MACROD2: variants seen among roughly 807,000 people sequenced by gnomAD.
MACROD2 encodes the protein ADP-ribose glycohydrolase MACROD2.
A neutral mutation model predicts 70.4 loss-of-function variants in MACROD2; 36 were observed. That is an observed-to-expected ratio of 0.51 (90% CI 0.39 to 0.68). MACROD2 has a LOEUF of 0.68. Ranked by LOEUF, MACROD2 falls within the 30% of genes least tolerant of loss-of-function variation. The pLI is 0.00. For missense variants in MACROD2, 496 were observed against 538.4 expected (o/e 0.92, Z 0.78); for synonymous variants, 172 against 178.8 (o/e 0.96, Z 0.30).
intron 3 of MACROD2, among the ~76,000 whole-genome samples, chr20:14,088,389 A>G (rs962184007): frequency 2.6e-5 from 4 of 152,012 alleles, no homozygotes; most frequent in African/African-American, 9.6e-5. Context: ...CATATACATC[A>G]ATATATATAG....
intron 2 of MACROD2, among the ~76,000 whole-genome samples, chr20:14,057,510 A>G (rs1399756134): frequency 6.6e-6 from 1 of 152,192 alleles, no homozygotes; most frequent in Non-Finnish European, 1.5e-5. Context: ...CAGAATGGCT[A>G]AAATTAGAAA....
At chr20:14,919,566 G>A (rs1335847954) in intron 5 of MACROD2, among the ~76,000 whole-genome samples, 1 of 152,150 alleles carries the variant, frequency 6.6e-6, no homozygotes, top group East Asian at 1.9e-4. Context: ...TGTTCTCTTT[G>A]TTCCTTGTAC....
At chr20:15,181,762 T>C (rs2145903185) in intron 5 of MACROD2, among the ~76,000 whole-genome samples, 1 of 152,308 alleles carries the variant, frequency 6.6e-6, no homozygotes, top group Non-Finnish European at 1.5e-5. Flanking sequence ...CCTGTTGCCT[T>C]ATATTTTTAC....
chr20:14,175,150 T>C (rs919857196), intron 3 of MACROD2, among the ~76,000 whole-genome samples: 1 of 152,220 alleles, frequency 6.6e-6, no homozygotes, highest in African/African-American at 2.4e-5. Context: ...AATGTGAATC[T>C]CCACATGCTG....
intron 3 of MACROD2, among the ~76,000 whole-genome samples, chr20:14,425,309 C>A (rs868353784): frequency 2.0e-5 from 3 of 152,122 alleles, no homozygotes; most frequent in African/African-American, 7.2e-5. Context: ...CTCCTCTCTC[C>A]GCATTACCCC....
intron 5 of MACROD2, among the ~76,000 whole-genome samples, chr20:15,162,914 C>T (rs532596328): frequency 6.6e-6 from 1 of 152,146 alleles, no homozygotes; most frequent in Admixed American, 6.6e-5. Context: ...TGTAAATAAA[C>T]ATGACTGTAT....
intron 5 of MACROD2, among the ~76,000 whole-genome samples, chr20:15,003,976 G>A (rs113076687): frequency 0.079 from 12,038 of 152,060 alleles, 958 homozygotes; most frequent in African/African-American, 0.2. Flanking sequence ...CCCAGAAGGT[G>A]TTCAGCATGT....
rs560477366 is a variant in MACROD2, at chr20:14,216,873, T to G, written c.271+131145T>G. ...ACATTAATCTCGTATCTGGAAAATT[T>G]GCTGAATTCTTTTATCAGTTCTAAG... On this transcript the variant is annotated intron_variant, in intron 3 of 17. Transcript: ENST00000684519. Among the ~76,000 whole-genome samples the G allele has an allele frequency of 1.9e-3, 295 of 152,312 alleles. 2 individuals are homozygous for G. In the South Asian group the frequency reaches 0.021, roughly 11 times the overall value.
chr20:14,054,486 G>A lies in MACROD2; in HGVS notation c.164-31135G>A, dbSNP rs779309679. ...TTGGCTGGAGAATGAGATTTGGCAA[G>A]TGCTCCATGTAATGAAGATTTGTTT... is the stretch of plus-strand genomic sequence containing the variant. On this transcript the variant is annotated intron_variant, in intron 2 of 17. Coordinates refer to ENST00000684519, the MANE Select transcript of MACROD2 (RefSeq NM_001351661.2). Among the ~76,000 whole-genome samples the A allele has an allele frequency of 5.9e-5, 9 of 152,140 alleles. No individual in the cohort carries two copies. In the East Asian group the frequency reaches 1.7e-3, roughly 29 times the overall value.
At chr20:15,753,158 G>A (rs1472775285) in intron 8 of MACROD2, among the ~76,000 whole-genome samples, 1 of 151,938 alleles carries the variant, frequency 6.6e-6, no homozygotes, top group East Asian at 1.9e-4. Flanking sequence ...GATTCAGGAG[G>A]TACACGTGCA....
intron 5 of MACROD2, among the ~76,000 whole-genome samples, chr20:14,942,124 C>CT (rs911248658): frequency 7.9e-5 from 12 of 151,998 alleles, no homozygotes; most frequent in Admixed American, 7.2e-4. Flanking sequence ...TGTAGACACT[C>CT]TAACAATGTG....
intron 6 of MACROD2, among the ~76,000 whole-genome samples, chr20:15,416,003 G>A (rs2046142980): frequency 6.6e-6 from 1 of 152,206 alleles, no homozygotes; most frequent in African/African-American, 2.4e-5. Flanking sequence ...TTAGTGAATG[G>A]CCAGCTGCTT....
chr20:14,508,717 C>G (rs2084996706), intron 4 of MACROD2, among the ~76,000 whole-genome samples: 1 of 152,116 alleles, frequency 6.6e-6, no homozygotes. Flanking sequence ...TATTTATTCA[C>G]TAAGGCCTTA....
chr20:14,416,346 C>T (rs548013269), intron 3 of MACROD2, among the ~76,000 whole-genome samples: 18 of 152,114 alleles, frequency 1.2e-4, no homozygotes, highest in Admixed American at 3.3e-4. Context: ...GCTGTTTTTT[C>T]CCCCCAGTGT....
At chr20:15,309,284 T>C (rs1196477902) in intron 6 of MACROD2, among the ~76,000 whole-genome samples, 1 of 152,222 alleles carries the variant, frequency 6.6e-6, no homozygotes, top group Non-Finnish European at 1.5e-5. Flanking sequence ...TGTCAAGTTA[T>C]ACATCTCCAA....
At chr20:14,255,659 C>T (rs2082049649) in intron 3 of MACROD2, among the ~76,000 whole-genome samples, 1 of 150,644 alleles carries the variant, frequency 6.6e-6, no homozygotes, top group African/African-American at 2.5e-5. Context: ...ACATTGTGCA[C>T]ATGTACCCTA....
intron 3 of MACROD2, among the ~76,000 whole-genome samples, chr20:14,492,630 G>T (rs1568637731): frequency 6.6e-6 from 1 of 152,024 alleles, no homozygotes. Context: ...CACAAAGAAG[G>T]GGAGTTTGGT....
At chr20:14,962,651 T>G (rs2074594986) in intron 5 of MACROD2, among the ~76,000 whole-genome samples, 1 of 151,526 alleles carries the variant, frequency 6.6e-6, no homozygotes. Context: ...CCTCTTTTCT[T>G]CCTCCTCCTC....
rs76082144 is a variant in MACROD2 at position 15,116,690 on chromosome 20, A to G, written c.419-113250A>G. ...TTTTCTATTCCTTATGATTTTCTTA[A>G]TAACATCTTCTTTTATCTAGCTGAC... On this transcript the variant is annotated intron_variant, in intron 5 of 17. Coordinates refer to ENST00000684519, the MANE Select transcript of MACROD2 (RefSeq NM_001351661.2). Among the ~76,000 whole-genome samples, 7 of 152,320 alleles carry G rather than the reference A, an allele frequency of 4.6e-5. No individual in the cohort carries two copies. In the South Asian group the frequency reaches 1.5e-3, roughly 32 times the overall value.
Sources: gnomAD v4.1 joint callset for allele counts (sites outside exome capture counted in the v4.1 genomes callset) on GRCh38, gnomAD v4.1.1 for gene constraint, MANE v1.5 for transcripts, NCBI Gene and HGNC (gene_info 2026-07-23, HGNC 2026-07-21) for gene names.